Variants in FN1 observed in about 807,000 individuals in gnomAD.
FN1 encodes the protein fibronectin.
A neutral mutation model predicts 297.3 loss-of-function variants in FN1; 106 were observed. The observed-to-expected ratio is 0.36, with a 90% CI of 0.30 to 0.42. FN1 has a LOEUF of 0.42. FN1 is among the 10% of genes least tolerant of loss of function. The pLI, the probability that FN1 is intolerant of heterozygous loss-of-function variation, is 1.00. For synonymous variants in FN1, 1,149 were observed against 1,152.6 expected (o/e 1.00, Z 0.06); for missense variants, 2,690 against 3,124.9 (o/e 0.86, Z 3.32).
rs760293471 is a variant in FN1, at chr2:215,379,241, A to G, written c.5511T>C (p.Asn1837=). Residue 1837 remains asparagine, a synonymous_variant, in exon 34 of 46, where the codon AAT becomes AAC. Transcript: ENST00000354785. ...GCACTCGATATCCAGTGAGCTGAACATTGGGTGGTGTCCACTGGGCGCTCA... is the reference window on the plus strand; with the variant it reads ...GCACTCGATATCCAGTGAGCTGAACGTTGGGTGGTGTCCACTGGGCGCTCA... ...TSLSAQWTPP[N]VQLTGYRVRV... is the part of the protein sequence containing the mutation. 3.0e-5 allele frequency: 49 copies of G among 1,613,908 alleles called. No individual in the cohort carries two copies. The highest frequency in any genetic ancestry group is 4.0e-5 in the African/African-American group (3 of 74,880).
intron 30 of FN1, 72 bp downstream of exon 30, chr2:215,383,948 C>A: frequency 6.5e-7 from 1 of 1,530,978 alleles, no homozygotes; most frequent in Middle Eastern, 2.0e-4. Context: ...TAGAAAAATA[C>A]CTTGGGAGAA....
intron 33 of FN1, chr2:215,380,556 T>C (rs2058061214): frequency 3.7e-6 from 2 of 535,668 alleles, no homozygotes; most frequent in East Asian, 3.2e-5. Flanking sequence ...ACAACTTTAG[T>C]ATCCTCTTCA....
chr2:215,401,377 T>C (rs1171404131), intron 20 of FN1, among the ~76,000 whole-genome samples: 1 of 152,024 alleles, frequency 6.6e-6, no homozygotes, highest in Admixed American at 6.6e-5. Context: ...GGCATGTATA[T>C]ATAAAGTTAA....
chr2:215,406,229 A>G lies in FN1; in HGVS notation c.2986+9T>C. ...TTTGGAGGGGAGATAGAGATAGGAG[A>G]AGACATACTGGTTGTCTGTTGAGCA... On this transcript the variant is annotated intron_variant, in intron 19 of 45. Transcript: ENST00000354785. 1 of 1,613,802 alleles carries G rather than the reference A, an allele frequency of 6.2e-7. No individual in the cohort carries two copies. Among genetic ancestry groups the G allele is most frequent in the Non-Finnish European group, 8.5e-7 (1 of 1,179,746 alleles).
At chr2:215,375,496 G>A in intron 37 of FN1, 103 bp from the exon 38 acceptor site, 1 of 1,289,340 alleles carries the variant, frequency 7.8e-7, no homozygotes, top group Non-Finnish European at 1.1e-6. Flanking sequence ...AAGAATCTGA[G>A]AATACTGTAA....
chr2:215,392,821 C>T, intron 25 of FN1, 110 bp downstream of exon 25: 1 of 1,247,340 alleles, frequency 8.0e-7, no homozygotes, highest in East Asian at 2.3e-5. Flanking sequence ...CTATCTGAAT[C>T]TTTGGCCAAT....
At chr2:215,391,943 ATCTAAG>A (rs1246132270) in intron 25 of FN1, 129 bp from the exon 26 acceptor site, 7 of 782,710 alleles carry the variant, frequency 8.9e-6, no homozygotes, top group African/African-American at 1.7e-5. Context: ...AAACAGTCTA[ATCTAAG>A]TCTATTTTAA....
At chr2:215,389,726 G>A (rs1393593069) in intron 26 of FN1, among the ~76,000 whole-genome samples, 1 of 152,154 alleles carries the variant, frequency 6.6e-6, no homozygotes, top group Non-Finnish European at 1.5e-5. Flanking sequence ...GGTGGTGGAG[G>A]TTGCAGTGAG....
chr2:215,407,380 ACACCATAAATCCTCCCTTT>A (rs2061905574), intron 17 of FN1, 59 bp from the exon 18 acceptor site: 2 of 1,375,714 alleles, frequency 1.5e-6, no homozygotes, highest in Admixed American at 1.7e-5. Context: ...AGGCTTAGAA[ACACCATAAATCCTCCCTTT>A]TCTAATATCC....
intron 4 of FN1, 125 bp from the exon 5 acceptor site, chr2:215,430,977 TCAGA>T: frequency 1.1e-6 from 1 of 926,556 alleles, no homozygotes; most frequent in Non-Finnish European, 1.7e-6. Flanking sequence ...GGCACTCTGT[TCAGA>T]AAGAATGACA....
intron 22 of FN1, 121 bp downstream of exon 22, chr2:215,397,559 G>T: frequency 1.2e-6 from 1 of 825,914 alleles, no homozygotes; most frequent in Admixed American, 1.9e-5. Flanking sequence ...AATAATATAA[G>T]TAAGGATAAG....
intron 12 of FN1, among the ~76,000 whole-genome samples, chr2:215,418,436 A>G (rs932009392): frequency 2.6e-5 from 4 of 152,172 alleles, no homozygotes; most frequent in African/African-American, 9.7e-5. Flanking sequence ...AGATTCTGAC[A>G]CCCTGAAACT....
Position 215,406,332 on chromosome 2 carries a change from G to A in FN1, c.2892C>T (p.Val964=). ...AGGTGACCCCAGGGGACAGCCCGGT[G>A]ACTTCTGCAAAGGTGTTCCTGCTGA... is the stretch of plus-strand genomic sequence containing the variant. The part of the protein sequence containing the change: ...LPISRNTFAE[V]TGLSPGVTYY... Residue 964 remains valine (V), a synonymous_variant, in exon 19 of 46, where the codon GTC becomes GTT. Coordinates refer to ENST00000354785, the MANE Select transcript of FN1 (RefSeq NM_212482.4). The A allele has an allele frequency of 1.9e-6, 3 of 1,614,212 alleles. No homozygotes were observed. The highest frequency in any genetic ancestry group is 2.5e-6 in the Non-Finnish European group (3 of 1,180,040).
At chr2:215,421,515 C>G (rs1364645458) in intron 10 of FN1, among the ~76,000 whole-genome samples, 2 of 152,188 alleles carry the variant, frequency 1.3e-5, no homozygotes, top group Admixed American at 6.5e-5. Flanking sequence ...AATATCTACG[C>G]ACTAGCCACA....
intron 11 of FN1, among the ~76,000 whole-genome samples, chr2:215,419,860 C>G (rs2106394003): frequency 6.6e-6 from 1 of 152,246 alleles, no homozygotes; most frequent in Middle Eastern, 3.4e-3. Context: ...CTAAGAAAAC[C>G]TCTCAGGCTT....
intron 27 of FN1, 70 bp downstream of exon 27, chr2:215,388,142 A>G (rs2106019502): frequency 9.4e-7 from 1 of 1,065,752 alleles, no homozygotes; most frequent in Non-Finnish European, 1.5e-6. Context: ...TTTTAGAAGT[A>G]GCATTTCATT....
chr2:215,407,116 A>T lies in FN1; in HGVS notation c.2713+11T>A. 1 of 1,609,004 alleles carries T rather than the reference A, an allele frequency of 6.2e-7. No homozygotes were observed. The highest frequency in any genetic ancestry group is 8.5e-7 in the Non-Finnish European group (1 of 1,175,616). On this transcript the variant is annotated intron_variant, in intron 18 of 45. Transcript: ENST00000354785. ...AAGATAACATAGGAAGTGTCTTCTT[A>T]AAAAAGTTACCTGAGCGTGGGGTGC...
chr2:215,373,587 T>C (rs2056668093), intron 38 of FN1, among the ~76,000 whole-genome samples, 176 bp from the exon 39 acceptor site: 1 of 151,968 alleles, frequency 6.6e-6, no homozygotes, highest in Non-Finnish European at 1.5e-5. Context: ...ATCCTGCATA[T>C]AAAGTCCGCA....
intron 21 of FN1, 76 bp downstream of exon 21, chr2:215,399,181 C>T: frequency 9.1e-7 from 1 of 1,100,934 alleles, no homozygotes; most frequent in South Asian, 1.2e-5. Context: ...CTCCTGAGCA[C>T]CCTGTTTCCA....
Sources: allele counts gnomAD v4.1 joint callset (sites outside exome capture counted in the v4.1 genomes callset), GRCh38; gene constraint gnomAD v4.1.1; transcripts MANE v1.5; gene names NCBI Gene and HGNC (gene_info 2026-07-23, HGNC 2026-07-21).